Variants in TGM7 observed in about 807,000 individuals in gnomAD.
TGM7 encodes the protein transglutaminase 7.
TGM7 carries 74 observed loss-of-function variants against 79.5 expected under a neutral mutation model. The ratio of observed to expected loss-of-function variants is 0.93; its 90% CI spans 0.77 to 1.13. The LOEUF is 1.13. Among genes scored for constraint, TGM7 ranks in the 50% most tolerant of loss-of-function variants. TGM7 has a pLI of 0.00. For missense variants in TGM7, 912 were observed against 905.9 expected, an observed-to-expected ratio of 1.01 and a Z score of -0.09; for synonymous variants, 354 against 362.5, an observed-to-expected ratio of 0.98 and a Z score of 0.27.
In TGM7 at chr15:43,286,780, T is replaced by C. The variant is rs1439154762; in HGVS notation, c.865+500A>G. The stretch of plus-strand genomic sequence containing the variant: ...CAACTTTGCACTGAATTGTAAATAA[T>C]TGATACTGCATAAAACATTGATGTT... On this transcript the variant is annotated intron_variant, in intron 6 of 12. Transcript: ENST00000452443. Among the ~76,000 whole-genome samples the C allele has an allele frequency of 2.0e-5, 3 of 152,344 alleles. 1 individual carries two copies. The highest frequency in any genetic ancestry group is 3.9e-4 in the East Asian group (2 of 5,188).
Position 43,279,815 on chromosome 15 carries a change from C to T in TGM7, c.1488G>A (p.Leu496=). Reference sequence around the variant, plus strand: ...CCTGGCCCCACTCGGGTATCCTGGCCAGGTGAAGCTGCAGCTGCGCTGGCT... The same window carrying T: ...CCTGGCCCCACTCGGGTATCCTGGCTAGGTGAAGCTGCAGCTGCGCTGGCT... ...RDQPAQLQLH[L]ARIPEWGQDL... Residue 496 remains leucine, a synonymous_variant, in exon 10 of 13, where the codon CTG becomes CTA. Coordinates refer to ENST00000452443, the MANE Select transcript of TGM7 (RefSeq NM_052955.3). 1 of 1,614,244 alleles carries T rather than the reference C, an allele frequency of 6.2e-7. No homozygotes were observed. The highest frequency in any genetic ancestry group is 8.5e-7 in the Non-Finnish European group (1 of 1,180,048).
chr15:43,277,128 G>A lies in TGM7; in HGVS notation c.1840-133C>T. 2.6e-6 allele frequency: 3 copies of A among 1,175,030 alleles called. No individual in the cohort carries two copies. In the South Asian group the frequency reaches 4.5e-5, roughly 18 times the overall value. 72.8% of individuals were successfully genotyped at this position (1,175,030 alleles called of 1,614,324 possible). A position where few individuals can be genotyped will look rare whatever the true frequency, so the allele number is the denominator to read the frequency against. On this transcript the variant is annotated intron_variant, in intron 11 of 12. Transcript: ENST00000452443. Reference sequence around the variant, plus strand: ...TAGAGCTAATGTGCCACAGTGGCGAGGGAGGAATGTGAGCTGAGAGTACTT... The same window carrying A: ...TAGAGCTAATGTGCCACAGTGGCGAAGGAGGAATGTGAGCTGAGAGTACTT...
intron 4 of TGM7, 26 bp from the exon 5 acceptor site, chr15:43,287,695 AAAGAG>A: frequency 3.8e-6 from 6 of 1,597,664 alleles, no homozygotes; most frequent in Non-Finnish European, 5.1e-6. Context: ...AAGGGAGAAA[AAAGAG>A]AAGAGCAAAT....
At chr15:43,300,799 C>T (rs1333002166) in intron 1 of TGM7, among the ~76,000 whole-genome samples, 4 of 152,076 alleles carry the variant, frequency 2.6e-5, no homozygotes, top group Non-Finnish European at 4.4e-5. Flanking sequence ...AGCAAGACTC[C>T]GTCTCAAAAA....
chr15:43,291,868 A>G lies in TGM7; in HGVS notation c.558+111T>C, dbSNP rs541507865. ...CCAAGCCCCTCACACCCTCGCCTGT[A>G]TTAGTGGCCCTCTATGAGGGCTGTG... is the stretch of plus-strand genomic sequence containing the variant. On this transcript the variant is annotated intron_variant, in intron 4 of 12. Transcript: ENST00000452443. 2.0e-4 allele frequency: 148 copies of G among 732,518 alleles called. 1 individual carries two copies. The African/African-American group carries it at 2.4e-3, about 12-fold the overall frequency. 45.4% of individuals were successfully genotyped at this position (732,518 alleles called of 1,614,324 possible). A position where few individuals can be genotyped will look rare whatever the true frequency, so the allele number is the denominator to read the frequency against.
chr15:43,282,541 G>T lies in TGM7; in HGVS notation c.1084C>A (p.Pro362Thr). ...CCACTGCTGGTCTGCTGGGGAGTGG[G>T]GTCCAGAACCTGCCACCCGTTGTAT... ...PGYNGWQVLDPTPQQTSSGLF... is the reference protein window; with the variant it reads ...PGYNGWQVLDTTPQQTSSGLF... The change falls in exon 8 of 13, where the codon CCC becomes ACC. Residue 362 changes from proline to threonine, a missense_variant. Pro to Thr is a conservative substitution (Grantham distance 38, BLOSUM62 -1). Transcript: ENST00000452443. 6.3e-7 allele frequency: 1 copy of T among 1,596,768 alleles called. No individual in the cohort carries two copies. Among genetic ancestry groups the T allele is most frequent in the East Asian group, 2.2e-5 (1 of 44,490 alleles).
chr15:43,299,744 T>C (rs1397073729), intron 1 of TGM7, among the ~76,000 whole-genome samples: 1 of 152,270 alleles, frequency 6.6e-6, no homozygotes, highest in Non-Finnish European at 1.5e-5. Context: ...CTCATTATTG[T>C]TGTCCATTTT....
At position 43,276,520 on chromosome 15, in the gene TGM7, T is replaced by C. The variant is rs2042878448; in HGVS notation, c.2068A>G (p.Ser690Gly). 2 of 1,614,152 alleles carry C rather than the reference T, an allele frequency of 1.2e-6. No individual in the cohort carries two copies. The highest frequency in any genetic ancestry group is 1.7e-6 in the Non-Finnish European group (2 of 1,179,998). ...GPRQLQVLIS[S>G]NEVKEIKGYK... ...CCTTTGATCTCCTTGACCTCGTTGCTGCTGATGAGAACCTGGAGCTGGCGG... is the reference window on the plus strand; with the variant it reads ...CCTTTGATCTCCTTGACCTCGTTGCCGCTGATGAGAACCTGGAGCTGGCGG... The change falls in exon 13 of 13, where the codon AGC becomes GGC. Residue 690 changes from serine to glycine, a missense_variant. Ser to Gly is a moderately conservative substitution (Grantham distance 56, BLOSUM62 0). Transcript: ENST00000452443.
intron 1 of TGM7, among the ~76,000 whole-genome samples, chr15:43,296,250 C>T (rs2042991655): frequency 6.6e-6 from 1 of 151,934 alleles, no homozygotes; most frequent in African/African-American, 2.4e-5. Flanking sequence ...ATGGTGAAAC[C>T]CCTTCTCTAC....
At chr15:43,281,650 C>G (rs991397889) in intron 9 of TGM7, among the ~76,000 whole-genome samples, 194 bp downstream of exon 9, 1 of 152,170 alleles carries the variant, frequency 6.6e-6, no homozygotes, top group African/African-American at 2.4e-5. Context: ...TCAAATTTAA[C>G]TGGGCATCCT....
chr15:43,276,476 G>A lies in TGM7; in HGVS notation c.2112C>T (p.Val704=). 3.1e-6 allele frequency: 5 copies of A among 1,613,764 alleles called. No homozygotes were observed. Among genetic ancestry groups the A allele is most frequent in the Non-Finnish European group, 4.2e-6 (5 of 1,179,820 alleles). ...KEIKGYKDIF[V]TVAGAP is the part of the protein sequence containing the mutation. ...GGTCTCAGGGAGCCCCAGCCACAGT[G>A]ACGAAGATGTCCTTGTAGCCTTTGA... Residue 704 remains valine, a synonymous_variant, in exon 13 of 13, where the codon GTC becomes GTT. Coordinates refer to ENST00000452443, the MANE Select transcript of TGM7 (RefSeq NM_052955.3).
rs201781549 is a variant in TGM7 at position 43,284,867 on chromosome 15, C to A, written c.951G>T (p.Thr317=). ...HNVDRNLTID[T]YYDRNAEMLS... ...GCATCTCGGCATTTCGGTCATAGTA[C>A]GTATCGATGGTCAAGTTCCTATCCA... Residue 317 remains threonine (T), a synonymous_variant, in exon 7 of 13, where the codon ACG becomes ACT. Transcript: ENST00000452443. 1 of 1,614,110 alleles carries A rather than the reference C, an allele frequency of 6.2e-7. No individual in the cohort carries two copies. The highest frequency in any genetic ancestry group is 8.5e-7 in the Non-Finnish European group (1 of 1,180,028).
intron 1 of TGM7, among the ~76,000 whole-genome samples, chr15:43,294,428 A>G (rs1287216245): frequency 6.6e-6 from 1 of 152,200 alleles, no homozygotes. Context: ...GTCACTTAAT[A>G]TCCCTAGACA....
At position 43,276,564 on chromosome 15, in the gene TGM7, T is replaced by C. The variant is rs1252669438; in HGVS notation, c.2024A>G (p.Tyr675Cys). The change falls in exon 13 of 13, where the codon TAC becomes TGC. Residue 675 changes from tyrosine to cysteine, a missense_variant. Physicochemically the swap from Tyr to Cys is radical, Grantham distance 194. Transcript: ENST00000452443. ...CTGGCGGGGTCCAGCTTTGGTCGGG[T>C]AGAGGTCCAGTTGAATTTGGAGGGT... ...GHTLQIQLDL[Y>C]PTKAGPRQLQ... is the part of the protein sequence containing the mutation. 1 of 1,614,012 alleles carries C rather than the reference T, an allele frequency of 6.2e-7. No individual in the cohort carries two copies. Among genetic ancestry groups the C allele is most frequent in the Non-Finnish European group, 8.5e-7 (1 of 1,179,978 alleles).
intron 4 of TGM7, 84 bp from the exon 5 acceptor site, chr15:43,287,753 G>A: frequency 6.6e-7 from 1 of 1,514,508 alleles, no homozygotes; most frequent in African/African-American, 1.4e-5. Flanking sequence ...GACTTTTGGG[G>A]ATGGCATGTA....
chr15:43,301,586 C>T (rs1431315487), intron 1 of TGM7, among the ~76,000 whole-genome samples: 2 of 149,848 alleles, frequency 1.3e-5, no homozygotes, highest in African/African-American at 4.9e-5. Context: ...GCCGAGATCG[C>T]GCCATTGCAC....
Position 43,279,850 on chromosome 15 carries a change from G to C in TGM7, c.1453C>G (p.Leu485Val). Residue 485 changes from leucine (L) to valine (V), a missense_variant, in exon 10 of 13, where the codon CTT (leucine) becomes GTT (valine). Transcript: ENST00000452443. ...TGCAGCTGCGCTGGCTGATCCCTAA[G>C]ACCCCCAGACTCCAGGAGATCCAGG... ...PFLDLLESGG[L>V]RDQPAQLQLH... 1 of 1,614,232 alleles carries C rather than the reference G, an allele frequency of 6.2e-7. No individual in the cohort carries two copies. The highest frequency in any genetic ancestry group is 8.5e-7 in the Non-Finnish European group (1 of 1,180,040).
Position 43,279,649 on chromosome 15 carries a change from G to A in TGM7, c.1654C>T (p.Arg552Trp), listed in dbSNP as rs752504487. 3.1e-5 allele frequency: 49 copies of A among 1,605,094 alleles called. No homozygotes were observed. The highest frequency in any genetic ancestry group is 2.5e-4 in the Admixed American group (15 of 59,054). ...CCCTTCCCAAAGTCCAGGTTCATCCGCACTGTGTGCCTCCAGAAGGGCTTC... is the reference window on the plus strand; with the variant it reads ...CCCTTCCCAAAGTCCAGGTTCATCCACACTGTGTGCCTCCAGAAGGGCTTC... ...TQKPFWRHTV[R>W]MNLDFGKETQ... Residue 552 changes from arginine (R) to tryptophan (W), a missense_variant, in exon 10 of 13, where the codon CGG becomes TGG. Coordinates refer to ENST00000452443, the MANE Select transcript of TGM7 (RefSeq NM_052955.3).
intron 1 of TGM7, 138 bp downstream of exon 1, chr15:43,302,103 G>A: frequency 2.1e-6 from 2 of 952,910 alleles, no homozygotes; most frequent in East Asian, 4.9e-5. Context: ...GTAAGAAGAA[G>A]GAGCCGTATT....
Sources: gnomAD v4.1 joint callset for allele counts (sites outside exome capture counted in the v4.1 genomes callset) on GRCh38, gnomAD v4.1.1 for gene constraint, MANE v1.5 for transcripts, NCBI Gene and HGNC (gene_info 2026-07-23, HGNC 2026-07-21) for gene names.